DPF3: variants seen among roughly 807,000 people sequenced by gnomAD.
DPF3 encodes double PHD fingers 3.
A neutral mutation model predicts 56.8 loss-of-function variants in DPF3; 18 were observed. The ratio of observed to expected loss-of-function variants is 0.32; its 90% CI spans 0.22 to 0.47. DPF3 has a LOEUF of 0.47. Ranked by LOEUF, DPF3 falls within the 20% of genes least tolerant of loss-of-function variation. The probability of loss-of-function intolerance (pLI) is 1.00; values close to 1 mark genes in which losing one functional copy is unlikely to be tolerated. For synonymous variants in DPF3, 188 were observed against 180.2 expected, an observed-to-expected ratio of 1.04 and a Z score of -0.35; for missense variants, 403 against 488.8, an observed-to-expected ratio of 0.82 and a Z score of 1.65.
At chr14:72,781,192 C>A (rs1292065817) in intron 1 of DPF3, among the ~76,000 whole-genome samples, 2 of 152,220 alleles carry the variant, frequency 1.3e-5, no homozygotes, top group Non-Finnish European at 2.9e-5. Flanking sequence ...GGGAAAACTT[C>A]TTTCAGGCAG....
chr14:72,886,470 C>A (rs1886551205), intron 1 of DPF3, among the ~76,000 whole-genome samples: 1 of 152,134 alleles, frequency 6.6e-6, no homozygotes. Flanking sequence ...CCAGTCTGAG[C>A]AACATAGCAA....
chr14:72,845,176 GCCTT>G (rs1884699380), intron 1 of DPF3, among the ~76,000 whole-genome samples: 5 of 152,054 alleles, frequency 3.3e-5, no homozygotes, highest in Admixed American at 2.0e-4. Flanking sequence ...CCCTTCCTAA[GCCTT>G]CCTTAAGGGA....
chr14:72,875,862 C>T (rs1205551535), intron 1 of DPF3, among the ~76,000 whole-genome samples: 6 of 152,124 alleles, frequency 3.9e-5, no homozygotes, highest in African/African-American at 1.4e-4. Context: ...AATAAACCAC[C>T]CCGATCCCCC....
chr14:72,745,579 A>T (rs1890291906), intron 3 of DPF3, among the ~76,000 whole-genome samples: 1 of 152,200 alleles, frequency 6.6e-6, no homozygotes, highest in South Asian at 2.1e-4. Context: ...GGTACTATTC[A>T]TTGTACCTCA....
At chr14:72,669,029 C>A (rs1335732521) in intron 8 of DPF3, among the ~76,000 whole-genome samples, 3 of 152,190 alleles carry the variant, frequency 2.0e-5, no homozygotes, top group African/African-American at 4.8e-5. Context: ...TTAGACAGAA[C>A]AACCCAAAAG....
intron 1 of DPF3, among the ~76,000 whole-genome samples, chr14:72,839,284 C>T (rs1457142979): frequency 6.6e-6 from 1 of 151,956 alleles, no homozygotes; most frequent in Non-Finnish European, 1.5e-5. Context: ...ATGAGAAAAC[C>T]AAGCCTAAAA....
rs148234146 is a variant in DPF3 at position 72,770,366 on chromosome 14, T to C, written c.193+1367A>G. Among the ~76,000 whole-genome samples the C allele has an allele frequency of 3.3e-3, 510 of 152,296 alleles. 6 individuals are homozygous for C. The highest frequency in any genetic ancestry group is 0.012 in the African/African-American group (482 of 41,564). ...GAGACAGAGAGAAACCCAGAGATGT[T>C]AAAAGACACATTAACCAGTTGCAAT... On this transcript the variant is annotated intron_variant, in intron 2 of 10. Coordinates refer to ENST00000556509, the MANE Select transcript of DPF3 (RefSeq NM_001280542.3).
intron 1 of DPF3, among the ~76,000 whole-genome samples, chr14:72,799,482 T>G (rs958082334): frequency 2.0e-5 from 3 of 152,038 alleles, no homozygotes; most frequent in Non-Finnish European, 4.4e-5. Context: ...CTGGGTAACA[T>G]AGTGAGACCT....
chr14:72,803,545 C>T lies in DPF3; in HGVS notation c.33-31652G>A, dbSNP rs1037546488. Among the ~76,000 whole-genome samples the T allele has an allele frequency of 6.6e-5, 10 of 152,320 alleles. No homozygotes were observed. In the East Asian group the frequency reaches 1.7e-3, roughly 26 times the overall value. The stretch of plus-strand genomic sequence containing the variant: ...TTTTAGATACAAGACACAAGCCCAA[C>T]GTGTCACCCAGCCTGGATCCCATAG... On this transcript the variant is annotated intron_variant, in intron 1 of 10. Transcript: ENST00000556509.
At chr14:72,638,226 A>G (rs910192798) in intron 8 of DPF3, among the ~76,000 whole-genome samples, 1 of 151,840 alleles carries the variant, frequency 6.6e-6, no homozygotes, top group Non-Finnish European at 1.5e-5. Flanking sequence ...GCAGGCAACC[A>G]GCTGCCCAAA....
intron 1 of DPF3, among the ~76,000 whole-genome samples, chr14:72,788,477 A>G (rs1435680237): frequency 1.3e-5 from 2 of 152,184 alleles, no homozygotes; most frequent in African/African-American, 2.4e-5. Context: ...GAGCACCGCC[A>G]GCACATGCCC....
rs1012692869 is a variant in DPF3 at position 72,662,939 on chromosome 14, A to T, written c.871+11301T>A. 2.3e-4 allele frequency: 22 copies of T among 94,318 alleles called. 1 individual carries two copies. Among genetic ancestry groups the T allele is most frequent in the East Asian group, 4.8e-3 (1 of 210 alleles). The allele number at this position is 94,318 out of a possible 1,614,324, so 5.8% of individuals were successfully genotyped here. ...AGGGGTGACAGAAATGAAATGAATT[A>T]AAAAAAAAAAAGAAGAAGAAAGAAA... On this transcript the variant is annotated intron_variant, in intron 8 of 10. Transcript: ENST00000556509.
At chr14:72,849,568 C>T (rs1249152714) in intron 1 of DPF3, among the ~76,000 whole-genome samples, 1 of 152,164 alleles carries the variant, frequency 6.6e-6, no homozygotes, top group African/African-American at 2.4e-5. Flanking sequence ...CAGACCTGCC[C>T]GTCTGGCCTG....
intron 1 of DPF3, among the ~76,000 whole-genome samples, chr14:72,817,895 C>A (rs1014508604): frequency 2.6e-5 from 4 of 152,128 alleles, no homozygotes; most frequent in African/African-American, 7.2e-5. Flanking sequence ...CCCTTTACTT[C>A]ATGTTGTACA....
chr14:72,663,949 T>C (rs1332037223), intron 8 of DPF3, among the ~76,000 whole-genome samples: 1 of 151,970 alleles, frequency 6.6e-6, no homozygotes, highest in Non-Finnish European at 1.5e-5. Flanking sequence ...CATCCAACTT[T>C]CCTCCTTGAC....
At chr14:72,708,061 A>G (rs1426985513) in intron 6 of DPF3, among the ~76,000 whole-genome samples, 2 of 152,224 alleles carry the variant, frequency 1.3e-5, no homozygotes, top group Non-Finnish European at 2.9e-5. Flanking sequence ...GCATCAAGAA[A>G]CAGTTAGTGG....
intron 6 of DPF3, among the ~76,000 whole-genome samples, chr14:72,704,297 TTTAAATAA>T (rs1376226224): frequency 1.4e-4 from 22 of 152,194 alleles, no homozygotes; most frequent in Non-Finnish European, 2.9e-5. Context: ...ATAAAAATAA[TTTAAATAA>T]TAAATGTCAT....
chr14:72,783,002 G>A lies in DPF3; in HGVS notation c.33-11109C>T, dbSNP rs565267818. ...CATCCTGTCCCCTGCCTCCTTCCCC[G>A]CTGGGCTCCATCCTCACTGCACTCC... is the stretch of plus-strand genomic sequence containing the variant. On this transcript the variant is annotated intron_variant, in intron 1 of 10. Coordinates refer to ENST00000556509, the MANE Select transcript of DPF3 (RefSeq NM_001280542.3). Among the ~76,000 whole-genome samples, 19 of 151,900 alleles carry A rather than the reference G, an allele frequency of 1.3e-4. 1 individual carries two copies. The highest frequency in any genetic ancestry group is 6.2e-4 in the South Asian group (3 of 4,806).
intron 3 of DPF3, among the ~76,000 whole-genome samples, chr14:72,734,125 C>G (rs1350835999): frequency 6.6e-6 from 1 of 152,078 alleles, no homozygotes; most frequent in Non-Finnish European, 1.5e-5. Flanking sequence ...GGAGGTGAAC[C>G]AAATAAAGAC....
Sources: allele counts gnomAD v4.1 joint callset (sites outside exome capture counted in the v4.1 genomes callset), GRCh38; gene constraint gnomAD v4.1.1; transcripts MANE v1.5; gene names NCBI Gene and HGNC (gene_info 2026-07-23, HGNC 2026-07-21).